Variants in ZBTB25 observed in about 807,000 individuals in gnomAD.
The protein encoded by ZBTB25 is zinc finger and BTB domain containing 25, also known as zinc finger and BTB domain-containing protein 25.
In ZBTB25, 20 loss-of-function variants were observed where a neutral mutation model predicts 34.2. The observed-to-expected ratio is 0.58, with a 90% CI of 0.41 to 0.85. The LOEUF (loss-of-function observed/expected upper bound fraction) is 0.85. Among genes scored for constraint, ZBTB25 ranks in the 40% least tolerant of loss-of-function variants. The pLI is 0.00. For missense variants in ZBTB25, 437 were observed against 521.8 expected (o/e 0.84, Z 1.58); for synonymous variants, 175 against 186.4 (o/e 0.94, Z 0.50).
At chr14:64,503,229 G>C (rs1400013903) in intron 1 of ZBTB25, 1 of 985,470 alleles carries the variant, frequency 1.0e-6, no homozygotes, top group East Asian at 1.1e-4. Flanking sequence ...GTAATCACAA[G>C]CTGGGAGTGG....
In ZBTB25 at chr14:64,487,421, AG is replaced by A; in HGVS notation, c.809del (p.Pro270LeufsTer58). On this transcript the variant is annotated frameshift_variant, in exon 3 of 3. Coordinates refer to ENST00000608382, the MANE Select transcript of ZBTB25 (RefSeq NM_006977.5). LOFTEE classifies it high-confidence loss of function. ...GGTCATTACTTTCCAGAATGGAAGC[AG>A]GGACACCGAATGGCAGGGATCCAGA... Reference protein sequence around the residue: ...HVSGSLPFGVPASILESNDLG... With the variant: ...HVSGSLPFGVXASILESNDLG... 1.2e-6 allele frequency: 2 copies of A among 1,614,234 alleles called. No individual in the cohort carries two copies. Among genetic ancestry groups the A allele is most frequent in the Non-Finnish European group, 1.7e-6 (2 of 1,180,032 alleles).
chr14:64,503,031 A>T (rs2140036766), intron 1 of ZBTB25: 1 of 985,468 alleles, frequency 1.0e-6, no homozygotes, highest in East Asian at 1.1e-4. Context: ...GTCAGGTTCC[A>T]GGTACTACGT....
rs202160312 is a variant in ZBTB25 at position 64,490,446 on chromosome 14, T to C, written c.88A>G (p.Ile30Val). ...TGGGCTTTGAAGTAAACATCTCCAA[T>C]TGCAACTGTGCAATCACACAGAAAA... ...FGFLCDCTVA[I>V]GDVYFKAHRA... The change falls in exon 2 of 3, where the codon ATT becomes GTT. Residue 30 changes from isoleucine (I) to valine (V), a missense_variant. Physicochemically the swap from Ile to Val is conservative, Grantham distance 29. Coordinates refer to ENST00000608382, the MANE Select transcript of ZBTB25 (RefSeq NM_006977.5). 6.8e-4 allele frequency: 1,104 copies of C among 1,613,884 alleles called. No homozygotes were observed. The highest frequency in any genetic ancestry group is 8.8e-4 in the Non-Finnish European group (1,036 of 1,179,934).
At chr14:64,475,355 C>T (rs936465186), downstream of ZBTB25, among the ~76,000 whole-genome samples, 15 of 152,012 alleles carry the variant, frequency 9.9e-5, no homozygotes, top group Non-Finnish European at 1.8e-4. Flanking sequence ...AGGAGAATGG[C>T]GTGAACCCGG....
At chr14:64,458,039 T>C in intron 2 of ZBTB25, 1 of 648,212 alleles carries the variant, frequency 1.5e-6, no homozygotes, top group East Asian at 2.7e-5. Context: ...TACAGGCACA[T>C]GCCATCATAT....
intron 1 of ZBTB25, among the ~76,000 whole-genome samples, chr14:64,494,144 GA>G (rs1278418949): frequency 2.0e-5 from 3 of 152,172 alleles, no homozygotes; most frequent in African/African-American, 7.2e-5. Flanking sequence ...GGAGAAAAAA[GA>G]AAACATCGTC....
chr14:64,501,803 A>T (rs1434572765), intron 1 of ZBTB25, among the ~76,000 whole-genome samples: 4 of 152,152 alleles, frequency 2.6e-5, no homozygotes, highest in Admixed American at 2.6e-4. Context: ...TGGCTCCTTC[A>T]CATTCCCCTC....
In ZBTB25 at chr14:64,487,736, G is replaced by T. The variant is rs777734970; in HGVS notation, c.495C>A (p.His165Gln). Residue 165 changes from histidine (H) to glutamine (Q), a missense_variant, in exon 3 of 3, where the codon CAC (histidine) becomes CAA (glutamine). Transcript: ENST00000608382. ...SGNRAAVQGD[H>Q]PQLQLSLAIG... The stretch of plus-strand genomic sequence containing the variant: ...TAGCAAGAGACAACTGCAACTGGGG[G>T]TGGTCACCCTGGACAGCAGCTCTGT... 3 of 1,614,102 alleles carry T rather than the reference G, an allele frequency of 1.9e-6. No homozygotes were observed. Among genetic ancestry groups the T allele is most frequent in the East Asian group, 2.2e-5 (1 of 44,878 alleles).
chr14:64,461,967 T>G (rs1181193262), intron 2 of ZBTB25: 2 of 152,208 alleles, frequency 1.3e-5, no homozygotes, highest in Admixed American at 6.5e-5. Flanking sequence ...ATTCATTTTG[T>G]AGACAAGGGA....
upstream of ZBTB25, chr14:64,503,854 G>GGTGT (rs2079582756): frequency 6.5e-6 from 1 of 153,434 alleles, no homozygotes; most frequent in Admixed American, 6.6e-5. Context: ...CCAGGGCCGG[G>GGTGT]GTGTGCGTGC....
Position 64,487,970 on chromosome 14 carries a change from T to G in ZBTB25, c.261A>C (p.Lys87Asn), listed in dbSNP as rs758164399. 2 of 1,614,174 alleles carry G rather than the reference T, an allele frequency of 1.2e-6. No individual in the cohort carries two copies. Among genetic ancestry groups the G allele is most frequent in the South Asian group, 2.2e-5 (2 of 91,078 alleles). Reference sequence around the variant, plus strand: ...CCAAACGACTATGATCCACAATCTGTTTTGGCCCTTTCCCCGTGTACATAA... The same window carrying G: ...CCAAACGACTATGATCCACAATCTGGTTTGGCCCTTTCCCCGTGTACATAA... Reference protein sequence around the residue: ...LHIMYTGKGPKQIVDHSRLEE... With the variant: ...LHIMYTGKGPNQIVDHSRLEE... Residue 87 changes from lysine (K) to asparagine (N), a missense_variant, in exon 3 of 3, where the codon AAA (lysine) becomes AAC (asparagine). By Grantham distance (94) the Lys-to-Asn change is moderately conservative. Coordinates refer to ENST00000608382, the MANE Select transcript of ZBTB25 (RefSeq NM_006977.5).
chr14:64,487,129 T>G lies in ZBTB25; in HGVS notation c.1102A>C (p.Met368Leu), dbSNP rs760245384. 3 of 1,614,234 alleles carry G rather than the reference T, an allele frequency of 1.9e-6. No individual in the cohort carries two copies. The highest frequency in any genetic ancestry group is 2.5e-6 in the Non-Finnish European group (3 of 1,180,038). Residue 368 changes from methionine (M) to leucine (L), a missense_variant, in exon 3 of 3, where the codon ATG becomes CTG. Coordinates refer to ENST00000608382, the MANE Select transcript of ZBTB25 (RefSeq NM_006977.5). The stretch of plus-strand genomic sequence containing the variant: ...TAAGATTTACCTTTGTGTGTATACA[T>G]GTGTTCCAACAATTGGCTCTTTCGA... ...FPRKSQLLEH[M>L]YTHKGKSYRY...
At chr14:64,469,284 C>T (rs370099933) in intron 2 of ZBTB25, 15 of 1,613,140 alleles carry the variant, frequency 9.3e-6, no homozygotes, top group African/African-American at 6.7e-5. Flanking sequence ...TATGAAAGTA[C>T]AGAGATTGTA....
intron 2 of ZBTB25, among the ~76,000 whole-genome samples, chr14:64,450,233 AT>A (rs1475006648): frequency 6.6e-6 from 1 of 152,246 alleles, no homozygotes; most frequent in Non-Finnish European, 1.5e-5. Flanking sequence ...AAGGTTACAT[AT>A]AGACCAAATA....
chr14:64,454,729 G>T, intron 2 of ZBTB25: 1 of 1,613,516 alleles, frequency 6.2e-7, no homozygotes, highest in Non-Finnish European at 8.5e-7. Flanking sequence ...CCAGGGCTTT[G>T]GGAATCTCCC....
At chr14:64,469,190 C>A (rs1273918442) in intron 2 of ZBTB25, 12 of 1,614,078 alleles carry the variant, frequency 7.4e-6, no homozygotes, top group Non-Finnish European at 1.0e-5. Context: ...TTCTGATGTT[C>A]CTCCTTTACC....
intron 2 of ZBTB25, chr14:64,458,528 C>G (rs2078510834): frequency 1.8e-6 from 1 of 565,538 alleles, no homozygotes; most frequent in East Asian, 3.2e-5. Flanking sequence ...CGCAGCATGG[C>G]TTGTCACAGG....
chr14:64,478,812 A>G lies in ZBTB25; in HGVS notation c.*8111T>C, dbSNP rs2078745149. The G allele has an allele frequency of 6.6e-6, 1 of 152,224 alleles. No individual in the cohort carries two copies. The highest frequency in any genetic ancestry group is 6.5e-5 in the Admixed American group (1 of 15,288). The allele number at this position is 152,224 out of a possible 1,614,324, so 9.4% of individuals were successfully genotyped here. A position where few individuals can be genotyped will look rare whatever the true frequency, so the allele number is the denominator to read the frequency against. On this transcript the variant is annotated 3_prime_UTR_variant, in exon 3 of 3. Transcript: ENST00000608382. ...GCCCTAAATAATATTTACTATTAAT[A>G]GTAATGCTGAATTCAAGTATAATGA...
chr14:64,459,081 C>T (rs548581884), intron 2 of ZBTB25, among the ~76,000 whole-genome samples: 2 of 152,322 alleles, frequency 1.3e-5, no homozygotes, highest in South Asian at 2.1e-4. Flanking sequence ...GGAGGAGTGT[C>T]CTGTAAGGTC....
Sources: gnomAD v4.1 joint callset for allele counts (sites outside exome capture counted in the v4.1 genomes callset) on GRCh38, gnomAD v4.1.1 for gene constraint, MANE v1.5 for transcripts, NCBI Gene and HGNC (gene_info 2026-07-23, HGNC 2026-07-21) for gene names.